MEOX2: variants seen among roughly 807,000 people sequenced by gnomAD.
The protein encoded by MEOX2 is mesenchyme homeobox 2.
A neutral mutation model predicts 27.0 loss-of-function variants in MEOX2; 11 were observed. The ratio of observed to expected loss-of-function variants is 0.41; its 90% confidence interval spans 0.26 to 0.68. MEOX2 has a LOEUF of 0.68. Ranked by LOEUF, MEOX2 falls within the 30% of genes least tolerant of loss-of-function variation. The pLI is 0.33. For missense variants in MEOX2, 436 were observed against 385.4 expected (o/e 1.13, Z -1.10); for synonymous variants, 189 against 155.4 (o/e 1.22, Z -1.61).
At chr7:15,661,439 T>A (rs950690285) in intron 1 of MEOX2, among the ~76,000 whole-genome samples, 2 of 152,214 alleles carry the variant, frequency 1.3e-5, no homozygotes, top group African/African-American at 2.4e-5. Context: ...GCTACCTACA[T>A]AAACTATGGG....
intron 1 of MEOX2, 33 bp from the exon 2 acceptor site, chr7:15,626,951 C>T (rs989377131): frequency 3.8e-6 from 6 of 1,589,218 alleles, no homozygotes; most frequent in East Asian, 2.2e-5. Flanking sequence ...TTGGTAATAA[C>T]TCATTTATTC....
chr7:15,642,474 C>T (rs1781577982), intron 1 of MEOX2, among the ~76,000 whole-genome samples: 1 of 151,950 alleles, frequency 6.6e-6, no homozygotes, highest in Non-Finnish European at 1.5e-5. Flanking sequence ...TTCTATTTTG[C>T]TTTTCTTTAA....
chr7:15,628,976 C>G (rs1254570290), intron 1 of MEOX2, among the ~76,000 whole-genome samples: 3 of 152,040 alleles, frequency 2.0e-5, no homozygotes. Flanking sequence ...CCTGCTTTGC[C>G]TAAAATCTGT....
At chr7:15,647,088 G>C (rs1242712549) in intron 1 of MEOX2, among the ~76,000 whole-genome samples, 1 of 151,952 alleles carries the variant, frequency 6.6e-6, no homozygotes, top group Non-Finnish European at 1.5e-5. Flanking sequence ...TCATATATTA[G>C]AAATATTCCT....
At chr7:15,675,059 G>A (rs1187772509) in intron 1 of MEOX2, among the ~76,000 whole-genome samples, 1 of 152,042 alleles carries the variant, frequency 6.6e-6, no homozygotes, top group Admixed American at 6.6e-5. Flanking sequence ...TATAGGTAAT[G>A]CTCAACTTAA....
chr7:15,624,357 G>C (rs1216726779), intron 2 of MEOX2, among the ~76,000 whole-genome samples: 1 of 152,132 alleles, frequency 6.6e-6, no homozygotes, highest in African/African-American at 2.4e-5. Flanking sequence ...TATCTCTCAT[G>C]TTCTGTGTTA....
At chr7:15,644,169 G>A (rs1399635517) in intron 1 of MEOX2, among the ~76,000 whole-genome samples, 1 of 152,076 alleles carries the variant, frequency 6.6e-6, no homozygotes, top group African/African-American at 2.4e-5. Flanking sequence ...GGCCTTGGGC[G>A]ATGAGCACTC....
Position 15,612,321 on chromosome 7 carries a change from A to G in MEOX2, c.*66T>C, listed in dbSNP as rs1311832528. 3 of 1,253,186 alleles carry G rather than the reference A, an allele frequency of 2.4e-6. No individual in the cohort carries two copies. Among genetic ancestry groups the G allele is most frequent in the Non-Finnish European group, 3.5e-6 (3 of 854,526 alleles). 77.6% of individuals were successfully genotyped at this position (1,253,186 alleles called of 1,614,324 possible). On this transcript the variant is annotated 3_prime_UTR_variant, in exon 3 of 3. Transcript: ENST00000262041. ...CCATAGTCATCTCTCTGTGTAAACG[A>G]TATTTGGGTAAGGCTTGCCATCACA...
intron 2 of MEOX2, among the ~76,000 whole-genome samples, chr7:15,621,283 T>C (rs1197456496): frequency 6.6e-6 from 1 of 152,250 alleles, no homozygotes; most frequent in African/African-American, 2.4e-5. Context: ...AACAACATTA[T>C]ATAATTAAAA....
intron 1 of MEOX2, among the ~76,000 whole-genome samples, chr7:15,641,519 T>G (rs1179523506): frequency 6.6e-6 from 1 of 152,082 alleles, no homozygotes; most frequent in African/African-American, 2.4e-5. Flanking sequence ...ACATGTGAAG[T>G]GGGTCCCATG....
intron 1 of MEOX2, chr7:15,680,937 G>C (rs1412638245): frequency 1.3e-5 from 2 of 151,260 alleles, no homozygotes; most frequent in South Asian, 4.2e-4. Context: ...CTGGCCAGTT[G>C]AGAATTAAGC....
intron 1 of MEOX2, chr7:15,668,096 A>G (rs1188150691): frequency 3.9e-5 from 6 of 152,216 alleles, no homozygotes; most frequent in Admixed American, 3.9e-4. Flanking sequence ...ACTGTGTACT[A>G]ACATGCATTT....
At chr7:15,683,725 AACT>A (rs1782329565) in intron 1 of MEOX2, among the ~76,000 whole-genome samples, 1 of 152,146 alleles carries the variant, frequency 6.6e-6, no homozygotes, top group Non-Finnish European at 1.5e-5. Context: ...TTTAAACAGA[AACT>A]ATTGTGATTT....
In MEOX2 at chr7:15,612,204, G is replaced by T. The variant is rs1583731244; in HGVS notation, c.*183C>A. On this transcript the variant is annotated 3_prime_UTR_variant, in exon 3 of 3. Transcript: ENST00000262041. The stretch of plus-strand genomic sequence containing the variant: ...CACCTTCTCCATCTTCACTGTGGAA[G>T]CTCTTTAATAAGTGGCACTTTGTGT... The T allele has an allele frequency of 3.1e-5, 19 of 606,240 alleles. No homozygotes were observed. The East Asian group carries it at 5.2e-4, about 17-fold the overall frequency. The allele number at this position is 606,240 out of a possible 1,614,324, so 37.6% of individuals were successfully genotyped here. A position where few individuals can be genotyped will look rare whatever the true frequency, so the allele number is the denominator to read the frequency against.
intron 1 of MEOX2, among the ~76,000 whole-genome samples, chr7:15,641,205 A>G (rs1781555013): frequency 6.6e-6 from 1 of 151,816 alleles, no homozygotes; most frequent in Admixed American, 6.6e-5. Flanking sequence ...ATAACTCATT[A>G]TTTGTCTGTT....
At chr7:15,648,607 C>T (rs1391510841) in intron 1 of MEOX2, among the ~76,000 whole-genome samples, 1 of 151,968 alleles carries the variant, frequency 6.6e-6, no homozygotes, top group African/African-American at 2.4e-5. Flanking sequence ...TGCCATGGTG[C>T]TTCAGGAAAA....
At chr7:15,662,388 A>T (rs1287058017) in intron 1 of MEOX2, among the ~76,000 whole-genome samples, 1 of 152,022 alleles carries the variant, frequency 6.6e-6, no homozygotes, top group Admixed American at 6.6e-5. Flanking sequence ...AGACAATTCT[A>T]CTTATAGTTA....
At position 15,686,034 on chromosome 7, in the gene MEOX2, G is replaced by T; in HGVS notation, c.369C>A (p.Ser123Arg). 5.0e-6 allele frequency: 8 copies of T among 1,606,260 alleles called. No homozygotes were observed. Among genetic ancestry groups the T allele is most frequent in the Non-Finnish European group, 6.8e-6 (8 of 1,179,230 alleles). ...AAGAGTTGGAGCACAGGACGGGCGGGCTGCTCCCCAACTCTGGGGGCCCTC... is the reference window on the plus strand; with the variant it reads ...AAGAGTTGGAGCACAGGACGGGCGGTCTGCTCCCCAACTCTGGGGGCCCTC... ...DSGGPPELGS[S>R]PPVLCSNSSS... Residue 123 changes from serine (S) to arginine (R), a missense_variant, in exon 1 of 3, where the codon AGC (serine) becomes AGA (arginine). Physicochemically the swap from Ser to Arg is moderately radical, Grantham distance 110. Coordinates refer to ENST00000262041, the MANE Select transcript of MEOX2 (RefSeq NM_005924.5).
Position 15,686,276 on chromosome 7 carries a change from T to G in MEOX2, c.127A>C (p.Thr43Pro), listed in dbSNP as rs907684119. 8 of 1,612,198 alleles carry G rather than the reference T, an allele frequency of 5.0e-6. No homozygotes were observed. The highest frequency in any genetic ancestry group is 6.8e-6 in the Non-Finnish European group (8 of 1,179,304). Residue 43 changes from threonine to proline, a missense_variant, in exon 1 of 3, where the codon ACT (threonine) becomes CCT (proline). Physicochemically the swap from Thr to Pro is conservative, Grantham distance 38. Transcript: ENST00000262041. ...GCGATTATGCAAGATGAGGAAGAAG[T>G]AGAGAGCTCGGGGTAAGACATATGG... ...SDHMSYPELS[T>P]SSSSCIIAGY...
Sources: gnomAD v4.1 joint callset for allele counts (sites outside exome capture counted in the v4.1 genomes callset) on GRCh38, gnomAD v4.1.1 for gene constraint, MANE v1.5 for transcripts, NCBI Gene and HGNC (gene_info 2026-07-23, HGNC 2026-07-21) for gene names.